Variants in SPTLC1 observed in about 807,000 individuals in gnomAD.
SPTLC1 encodes serine palmitoyltransferase long chain base subunit 1.
In SPTLC1, 55 loss-of-function variants were observed where a neutral mutation model predicts 68.9. The ratio of observed to expected loss-of-function variants is 0.80; its 90% confidence interval spans 0.64 to 1.00. The LOEUF (loss-of-function observed/expected upper bound fraction) is 1.00. Among genes scored for constraint, SPTLC1 ranks in the 50% least tolerant of loss-of-function variants. The probability of loss-of-function intolerance (pLI) is 0.00; values close to 1 mark genes in which losing one functional copy is unlikely to be tolerated. For missense variants in SPTLC1, 449 were observed against 573.1 expected (o/e 0.78, Z 2.21); for synonymous variants, 197 against 201.6 (o/e 0.98, Z 0.19).
intron 11 of SPTLC1, among the ~76,000 whole-genome samples, chr9:92,046,822 A>G (rs986442753): frequency 3.3e-5 from 5 of 152,254 alleles, no homozygotes; most frequent in African/African-American, 9.6e-5. Flanking sequence ...AGCATGCTTC[A>G]GCTGATTTCT....
chr9:92,098,643 TA>T (rs1194806745), intron 3 of SPTLC1, among the ~76,000 whole-genome samples: 8 of 151,642 alleles, frequency 5.3e-5, no homozygotes, highest in Admixed American at 4.6e-4. Flanking sequence ...ATAAAACTGA[TA>T]AAACAATCAG....
chr9:92,034,907 C>T (rs1171032463), intron 13 of SPTLC1, 24 bp from the exon 14 acceptor site: 9 of 1,598,162 alleles, frequency 5.6e-6, no homozygotes, highest in Non-Finnish European at 7.7e-6. Context: ...AAGAAGACAT[C>T]TGCAACCTGG....
At chr9:92,102,071 C>T (rs1835773996) in intron 3 of SPTLC1, among the ~76,000 whole-genome samples, 1 of 152,134 alleles carries the variant, frequency 6.6e-6, no homozygotes. Context: ...AAGCAAGTCT[C>T]CATTAGACTA....
Position 92,034,834 on chromosome 9 carries a change from T to A in SPTLC1, c.1304A>T (p.Glu435Val). ...ALTQARYLEKEEKCLPPPSIR... is the reference protein window; with the variant it reads ...ALTQARYLEKVEKCLPPPSIR... ...CCTGGGAGGAGGGAGACACTTCTCT[T>A]CTTTCTCCAAGTAGCGCGCCTGAGT... The change falls in exon 14 of 15, where the codon GAA becomes GTA. Residue 435 changes from glutamate (E) to valine (V), a missense_variant. Transcript: ENST00000262554. 1 of 1,614,204 alleles carries A rather than the reference T, an allele frequency of 6.2e-7. No homozygotes were observed. The highest frequency in any genetic ancestry group is 1.3e-5 in the African/African-American group (1 of 75,060).
Position 92,059,204 on chromosome 9 carries a change from T to C in SPTLC1, c.665A>G (p.Lys222Arg). ...CTTTTGATCTTCGATCTCTTGTTCTTTTAGTAGTCGCTCGAGGTCAGCCAT... is the reference window on the plus strand; with the variant it reads ...CTTTTGATCTTCGATCTCTTGTTCTCTTAGTAGTCGCTCGAGGTCAGCCAT... ...NDMADLERLL[K>R]EQEIEDQKNP... Residue 222 changes from lysine (K) to arginine (R), a missense_variant, in exon 7 of 15, where the codon AAA becomes AGA. This residue lies in a region of SPTLC1 where 391 missense variants were observed against 472.1 expected (regional missense o/e 0.83). Coordinates refer to ENST00000262554, the MANE Select transcript of SPTLC1 (RefSeq NM_006415.4). The C allele has an allele frequency of 6.2e-7, 1 of 1,613,976 alleles. No homozygotes were observed. Among genetic ancestry groups the C allele is most frequent in the East Asian group, 2.2e-5 (1 of 44,856 alleles).
chr9:92,067,737 C>A, intron 6 of SPTLC1, among the ~76,000 whole-genome samples: 2 of 152,196 alleles, frequency 1.3e-5, no homozygotes, highest in East Asian at 3.8e-4. Flanking sequence ...CTGTCCTCAT[C>A]TGGACATCAA....
intron 3 of SPTLC1, among the ~76,000 whole-genome samples, chr9:92,095,402 T>C (rs1335667416): frequency 6.6e-6 from 1 of 152,188 alleles, no homozygotes; most frequent in Non-Finnish European, 1.5e-5. Context: ...ATTAGGTTCA[T>C]GAGGGAATAT....
intron 3 of SPTLC1, among the ~76,000 whole-genome samples, chr9:92,095,744 G>A (rs1835506936): frequency 6.6e-6 from 1 of 152,132 alleles, no homozygotes; most frequent in Admixed American, 6.5e-5. Flanking sequence ...GACAAAATGT[G>A]GGAAACTGGA....
intron 2 of SPTLC1, 61 bp from the exon 3 acceptor site, chr9:92,108,895 C>G (rs1333561331): frequency 6.3e-7 from 1 of 1,586,088 alleles, no homozygotes; most frequent in Non-Finnish European, 8.6e-7. Flanking sequence ...ATTAGTGTCT[C>G]TGCAACTTCA....
intron 3 of SPTLC1, among the ~76,000 whole-genome samples, chr9:92,084,789 T>C (rs1419532533): frequency 1.3e-5 from 2 of 151,916 alleles, no homozygotes; most frequent in Non-Finnish European, 2.9e-5. Context: ...TCTTTTTCTA[T>C]TGATTGGAAT....
chr9:92,040,325 G>A (rs1384243665), intron 12 of SPTLC1, among the ~76,000 whole-genome samples: 5 of 151,954 alleles, frequency 3.3e-5, no homozygotes, highest in East Asian at 3.9e-4. Flanking sequence ...AGCTGAGATC[G>A]TGCCACTGCA....
chr9:92,048,319 C>T (rs1833590171), intron 9 of SPTLC1, among the ~76,000 whole-genome samples: 1 of 152,154 alleles, frequency 6.6e-6, no homozygotes, highest in African/African-American at 2.4e-5. Flanking sequence ...CAGCCCTCAG[C>T]ACCAAGTTCC....
intron 7 of SPTLC1, among the ~76,000 whole-genome samples, 156 bp from the exon 8 acceptor site, chr9:92,055,650 TG>T (rs1833863179): frequency 6.6e-6 from 1 of 152,188 alleles, no homozygotes; most frequent in Admixed American, 6.5e-5. Context: ...TATTTTGAGA[TG>T]AACAACAGTA....
intron 6 of SPTLC1, among the ~76,000 whole-genome samples, chr9:92,061,685 GTAC>G (rs900918783): frequency 1.4e-3 from 206 of 152,262 alleles, no homozygotes; most frequent in African/African-American, 4.7e-3. Flanking sequence ...CTCACTGTAT[GTAC>G]AGGAAATATT....
At chr9:92,035,211 G>A (rs1200540182) in intron 13 of SPTLC1, among the ~76,000 whole-genome samples, 1 of 152,188 alleles carries the variant, frequency 6.6e-6, no homozygotes, top group East Asian at 1.9e-4. Flanking sequence ...AACAGCCATA[G>A]CTAGCTAGTG....
chr9:92,066,382 T>C (rs1834284632), intron 6 of SPTLC1, among the ~76,000 whole-genome samples: 1 of 152,184 alleles, frequency 6.6e-6, no homozygotes, highest in African/African-American at 2.4e-5. Flanking sequence ...GGTCTTGACC[T>C]GCTCTGAGGT....
chr9:92,101,099 A>G (rs1835731624), intron 3 of SPTLC1, among the ~76,000 whole-genome samples: 1 of 152,228 alleles, frequency 6.6e-6, no homozygotes, highest in South Asian at 2.1e-4. Flanking sequence ...TCACAAAGTT[A>G]CCCTAAATAA....
At chr9:92,079,640 T>C (rs2118670415) in intron 5 of SPTLC1, 1 of 1,348,178 alleles carries the variant, frequency 7.4e-7, no homozygotes, top group Non-Finnish European at 1.1e-6. Context: ...ACTTTCTTCC[T>C]AGAGCTGTTT....
chr9:92,106,350 T>G (rs1406962734), intron 3 of SPTLC1, among the ~76,000 whole-genome samples: 2 of 151,830 alleles, frequency 1.3e-5, no homozygotes, highest in Non-Finnish European at 2.9e-5. Flanking sequence ...GGCTTGTGCC[T>G]GTAGTCTCAG....
Sources: allele counts gnomAD v4.1 joint callset (sites outside exome capture counted in the v4.1 genomes callset), GRCh38; gene constraint gnomAD v4.1.1; regional missense constraint gnomAD v4.1.1; transcripts MANE v1.5; gene names NCBI Gene and HGNC (gene_info 2026-07-23, HGNC 2026-07-21).